TEX9: variants seen among roughly 807,000 people sequenced by gnomAD.
TEX9 encodes testis-expressed protein 9.
Under a neutral mutation model 59.6 loss-of-function variants are expected in TEX9, and 74 were observed. The ratio of observed to expected loss-of-function variants is 1.24; its 90% confidence interval spans 1.03 to 1.51. TEX9 has a LOEUF of 1.51. TEX9 is among the 40% of genes most tolerant of loss of function. The pLI is 0.00. For synonymous variants in TEX9, 186 were observed against 152.2 expected (o/e 1.22, Z -1.64); for missense variants, 522 against 447.8 (o/e 1.17, Z -1.49).
chr15:56,393,036 G>A (rs8034947), intron 7 of TEX9, among the ~76,000 whole-genome samples: 4,633 of 152,260 alleles, frequency 0.03, 263 homozygotes, highest in African/African-American at 0.1. Context: ...AGCTAGGGTC[G>A]AGTGGGGAGC....
Position 56,324,295 on chromosome 15 carries a change from G to T in TEX9, c.-106-49146G>T, listed in dbSNP as rs192339518. ...ACAAGTTCTTGTCCTTTTGGAAGTA[G>T]TCCTTCCTGGAAGCCTGCATATCAG... On this transcript the variant is annotated intron_variant, in intron 1 of 5. Transcript: ENST00000560827. Among the ~76,000 whole-genome samples, 13 of 151,938 alleles carry T rather than the reference G, an allele frequency of 8.6e-5. 1 individual carries two copies. The highest frequency in any genetic ancestry group is 3.9e-4 in the Admixed American group (6 of 15,250).
chr15:56,406,340 G>C (rs62022129), intron 9 of TEX9, among the ~76,000 whole-genome samples: 15,045 of 152,024 alleles, frequency 0.099, 953 homozygotes, highest in Middle Eastern at 0.22. Flanking sequence ...GCCATATTTT[G>C]TTTATCTGAT....
intron 12 of TEX9, among the ~76,000 whole-genome samples, chr15:56,432,006 A>C (rs2050610802): frequency 6.6e-6 from 1 of 152,184 alleles, no homozygotes; most frequent in Non-Finnish European, 1.5e-5. Context: ...GCCATATAGA[A>C]AAGATGACTT....
At chr15:56,408,106 A>C (rs1385384314) in intron 9 of TEX9, among the ~76,000 whole-genome samples, 1 of 152,168 alleles carries the variant, frequency 6.6e-6, no homozygotes, top group African/African-American at 2.4e-5. Flanking sequence ...CTCCAGTCCT[A>C]TATCATTGCT....
intron 12 of TEX9, among the ~76,000 whole-genome samples, chr15:56,440,023 A>G (rs2050793053): frequency 6.6e-6 from 1 of 152,146 alleles, no homozygotes; most frequent in Non-Finnish European, 1.5e-5. Flanking sequence ...CTGACAAAGG[A>G]CTAGTATCTA....
chr15:56,294,490 T>C (rs2045172489), intron 1 of TEX9, among the ~76,000 whole-genome samples: 2 of 152,228 alleles, frequency 1.3e-5, no homozygotes, highest in African/African-American at 4.8e-5. Context: ...TATTTACATC[T>C]CCTGTACTGT....
chr15:56,394,701 T>C (rs201935835), exon 9 of TEX9: 7 of 1,608,310 alleles, frequency 4.4e-6, no homozygotes, highest in Admixed American at 1.7e-5. Flanking sequence ...GTAAAAAATT[T>C]TGAAGAAGAT....
At chr15:56,269,503 A>T (rs1293445029) in intron 1 of TEX9, among the ~76,000 whole-genome samples, 1 of 152,096 alleles carries the variant, frequency 6.6e-6, no homozygotes. Context: ...TGTGTCCCAG[A>T]GATTCTGGTA....
chr15:56,407,034 C>A (rs2049114318), intron 9 of TEX9, among the ~76,000 whole-genome samples: 1 of 151,936 alleles, frequency 6.6e-6, no homozygotes, highest in Non-Finnish European at 1.5e-5. Flanking sequence ...TTATCCACTC[C>A]AAAGTCATGA....
intron 7 of TEX9, among the ~76,000 whole-genome samples, chr15:56,393,352 G>T (rs28545512): frequency 0.031 from 4,779 of 152,170 alleles, 183 homozygotes; most frequent in East Asian, 0.095. Flanking sequence ...AACACTGAGG[G>T]CACTTAAAAA....
intron 12 of TEX9, among the ~76,000 whole-genome samples, chr15:56,438,607 C>G (rs565857889): frequency 5.3e-5 from 8 of 152,160 alleles, no homozygotes; most frequent in East Asian, 3.9e-4. Flanking sequence ...GTCTAAAACA[C>G]CAAAAGCAAT....
chr15:56,354,333 T>A (rs2046644503), intron 1 of TEX9, among the ~76,000 whole-genome samples: 1 of 152,186 alleles, frequency 6.6e-6, no homozygotes, highest in Non-Finnish European at 1.5e-5. Flanking sequence ...AAACTACTGT[T>A]ACTGCTTTGT....
At chr15:56,260,543 T>G (rs1345110068) in intron 1 of TEX9, among the ~76,000 whole-genome samples, 1 of 152,048 alleles carries the variant, frequency 6.6e-6, no homozygotes, top group Non-Finnish European at 1.5e-5. Flanking sequence ...TTTAGTGAAG[T>G]AAGTTATATT....
At chr15:56,401,109 A>G (rs1000820001) in intron 9 of TEX9, among the ~76,000 whole-genome samples, 16 of 152,294 alleles carry the variant, frequency 1.1e-4, no homozygotes, top group African/African-American at 3.4e-4. Context: ...TCATAATGAC[A>G]GGATCAGATT....
intron 1 of TEX9, among the ~76,000 whole-genome samples, chr15:56,300,500 A>C (rs2045319458): frequency 6.6e-6 from 1 of 151,484 alleles, no homozygotes; most frequent in South Asian, 2.1e-4. Context: ...GCCTGGCTGG[A>C]TTTGCCATCT....
chr15:56,400,158 T>A (rs911782191), intron 9 of TEX9, among the ~76,000 whole-genome samples: 1 of 152,168 alleles, frequency 6.6e-6, no homozygotes, highest in Non-Finnish European at 1.5e-5. Context: ...GAAGTAGGCT[T>A]CAGAAAGTCA....
chr15:56,299,403 C>T (rs1167138309), intron 1 of TEX9, among the ~76,000 whole-genome samples: 3 of 152,174 alleles, frequency 2.0e-5, no homozygotes, highest in Non-Finnish European at 4.4e-5. Flanking sequence ...CTAGCTCTAC[C>T]ACCATGGGCT....
At chr15:56,394,582 G>C (rs1389557890) in intron 8 of TEX9, 79 bp from the exon 9 acceptor site, 7 of 1,057,176 alleles carry the variant, frequency 6.6e-6, no homozygotes, top group Admixed American at 5.8e-5. Context: ...AAGAACATAT[G>C]AAACGTCTTT....
At chr15:56,268,569 T>G (rs981312850) in intron 1 of TEX9, among the ~76,000 whole-genome samples, 11 of 152,234 alleles carry the variant, frequency 7.2e-5, no homozygotes, top group African/African-American at 2.4e-4. Flanking sequence ...CTTTTCTGCA[T>G]CTATTGAGAT....
Sources: gnomAD v4.1 joint callset for allele counts (sites outside exome capture counted in the v4.1 genomes callset) on GRCh38, gnomAD v4.1.1 for gene constraint, MANE v1.5 for transcripts, NCBI Gene and HGNC (gene_info 2026-07-23, HGNC 2026-07-21) for gene names.